DISP1: variants seen among roughly 807,000 people sequenced by gnomAD.
The protein encoded by DISP1 is protein dispatched homolog 1.
DISP1 carries 30 observed loss-of-function variants against 37.3 expected under a neutral mutation model. That is an observed-to-expected ratio of 0.80 (90% CI 0.60 to 1.09). The LOEUF (loss-of-function observed/expected upper bound fraction) is 1.09, where lower values mean the gene tolerates loss of function less well. Among genes scored for constraint, DISP1 ranks in the 50% least tolerant of loss-of-function variants. DISP1 has a pLI of 0.00. For synonymous variants in DISP1, 634 were observed against 690.2 expected, an observed-to-expected ratio of 0.92 and a Z score of 1.28; for missense variants, 1,598 against 1,879.5, an observed-to-expected ratio of 0.85 and a Z score of 2.77.
At chr1:222,861,838 T>C (rs1215220158) in intron 1 of DISP1, among the ~76,000 whole-genome samples, 1 of 152,214 alleles carries the variant, frequency 6.6e-6, no homozygotes, top group Non-Finnish European at 1.5e-5. Context: ...AGCAAAAACA[T>C]GTTTCTCAGA....
At chr1:222,958,561 G>T (rs750962900) in intron 3 of DISP1, among the ~76,000 whole-genome samples, 2 of 152,156 alleles carry the variant, frequency 1.3e-5, no homozygotes, top group African/African-American at 4.8e-5. Flanking sequence ...ATAATCATCA[G>T]TGTCTAGATA....
At chr1:222,914,213 A>G (rs574773688) in intron 1 of DISP1, among the ~76,000 whole-genome samples, 3 of 152,100 alleles carry the variant, frequency 2.0e-5, no homozygotes, top group Non-Finnish European at 4.4e-5. Flanking sequence ...ACTCAGTTGG[A>G]CTTTTCAAAT....
intron 1 of DISP1, among the ~76,000 whole-genome samples, chr1:222,841,364 A>G (rs919736215): frequency 6.6e-6 from 1 of 152,168 alleles, no homozygotes; most frequent in Admixed American, 6.5e-5. Context: ...TTTAATCCTC[A>G]TTAATAACCC....
Position 223,002,706 on chromosome 1 carries a change from A to T in DISP1, c.1309A>T (p.Met437Leu). The T allele has an allele frequency of 1.2e-6, 2 of 1,614,162 alleles. No individual in the cohort carries two copies. The highest frequency in any genetic ancestry group is 2.2e-5 in the South Asian group (2 of 91,080). Residue 437 changes from methionine (M) to leucine (L), a missense_variant, in exon 9 of 9, where the codon ATG (methionine) becomes TTG (leucine). Physicochemically the swap from Met to Leu is conservative, Grantham distance 15 (BLOSUM62 2). Transcript: ENST00000675850. ...CCATTACTTGGTGGACAAAGACTTT[A>T]TGACCCCAAAGACGGCTGACTATGC... ...ILHYLVDKDF[M>L]TPKTADYATP...
chr1:222,971,410 G>GT (rs66907723), intron 3 of DISP1, among the ~76,000 whole-genome samples: 69,831 of 147,460 alleles, frequency 0.47, 18,088 homozygotes, highest in Non-Finnish European at 0.59. Flanking sequence ...CACCCCCCAA[G>GT]TTTTTTTTTT....
chr1:222,973,251 G>T (rs1043810438), intron 3 of DISP1, among the ~76,000 whole-genome samples: 1 of 152,098 alleles, frequency 6.6e-6, no homozygotes, highest in Admixed American at 6.6e-5. Context: ...ACTAATTTAT[G>T]AACATATGCT....
intron 1 of DISP1, among the ~76,000 whole-genome samples, chr1:222,862,012 T>G (rs17163530): frequency 0.066 from 10,013 of 152,232 alleles, 515 homozygotes; most frequent in East Asian, 0.27. Flanking sequence ...TTGCGACCTG[T>G]TTTTCTGAAA....
In DISP1 at chr1:223,004,855, C is replaced by T. The variant is rs1177901257; in HGVS notation, c.3458C>T (p.Ala1153Val). ...IPLPKKLQCS[A>V]FSHALSTSPS... ...TTACCTAAAAAACTACAGTGCAGTGCCTTTTCCCATGCCTTGTCTACAAGT... is the reference window on the plus strand; with the variant it reads ...TTACCTAAAAAACTACAGTGCAGTGTCTTTTCCCATGCCTTGTCTACAAGT... The change falls in exon 9 of 9, where the codon GCC (alanine) becomes GTC (valine). Residue 1153 changes from alanine to valine, a missense_variant. Coordinates refer to ENST00000675850, the MANE Select transcript of DISP1 (RefSeq NM_001377229.1). This position sits in a 1 kb window ranked among gnomAD's most constrained non-coding sequence, Gnocchi z 4.9. The T allele has an allele frequency of 6.2e-7, 1 of 1,609,348 alleles. No individual in the cohort carries two copies. The highest frequency in any genetic ancestry group is 1.7e-5 in the Admixed American group (1 of 60,012).
intron 1 of DISP1, among the ~76,000 whole-genome samples, chr1:222,819,685 C>T (rs373663298): frequency 1.3e-5 from 2 of 151,804 alleles, no homozygotes; most frequent in Non-Finnish European, 2.9e-5. Flanking sequence ...AGATTACAGG[C>T]ACCCGCCACC....
intron 1 of DISP1, among the ~76,000 whole-genome samples, chr1:222,908,408 T>A (rs1489048200): frequency 6.6e-6 from 1 of 152,002 alleles, no homozygotes. Context: ...TCAAAGGCAG[T>A]TGGATGATTT....
chr1:222,908,855 T>G (rs1220398305), intron 1 of DISP1, among the ~76,000 whole-genome samples: 1 of 152,050 alleles, frequency 6.6e-6, no homozygotes, highest in Non-Finnish European at 1.5e-5. Flanking sequence ...ATTTTTAGTC[T>G]TTGACTCTTT....
chr1:222,825,086 C>G (rs1663986497), intron 1 of DISP1, among the ~76,000 whole-genome samples: 1 of 146,868 alleles, frequency 6.8e-6, no homozygotes, highest in Non-Finnish European at 1.5e-5. Context: ...TCAGGTGATG[C>G]TGAGGGTGGT....
rs150999579 is a variant in DISP1, at chr1:222,906,417, A to G, written c.-158-22013A>G. Reference sequence around the variant, plus strand: ...ACTCCATCTTAAATAGGGGCTGGGTAAAAAAAACGCTGCCATCTGCTGGGC... The same window carrying G: ...ACTCCATCTTAAATAGGGGCTGGGTGAAAAAAACGCTGCCATCTGCTGGGC... On this transcript the variant is annotated intron_variant, in intron 1 of 8. Transcript: ENST00000675850. 1.1e-4 allele frequency among the ~76,000 whole-genome samples: 17 copies of G among 152,092 alleles called. No individual in the cohort carries two copies. The East Asian group carries it at 3.1e-3, about 28-fold the overall frequency.
At chr1:222,925,139 G>A (rs1325193749) in intron 1 of DISP1, among the ~76,000 whole-genome samples, 1 of 151,950 alleles carries the variant, frequency 6.6e-6, no homozygotes, top group East Asian at 1.9e-4. Context: ...TACCAAAAAT[G>A]TACTTTAACT....
chr1:222,943,366 A>T, intron 3 of DISP1, 34 bp downstream of exon 3: 1 of 1,613,884 alleles, frequency 6.2e-7, no homozygotes, highest in Non-Finnish European at 8.5e-7. Flanking sequence ...TTTAGCATTC[A>T]ACTAATGCCA....
At chr1:222,940,133 AAAAG>A (rs1040942700) in intron 2 of DISP1, among the ~76,000 whole-genome samples, 1 of 120,332 alleles carries the variant, frequency 8.3e-6, no homozygotes, top group African/African-American at 2.6e-5. Context: ...CTCAAAAAAA[AAAAG>A]AAAAGAAAAA....
At chr1:222,873,883 A>T (rs1572395648) in intron 1 of DISP1, among the ~76,000 whole-genome samples, 1 of 151,882 alleles carries the variant, frequency 6.6e-6, no homozygotes, top group African/African-American at 2.4e-5. Flanking sequence ...GGTCTTTACA[A>T]TTTGGCATGT....
intron 3 of DISP1, chr1:222,943,593 T>G: frequency 3.7e-6 from 2 of 538,258 alleles, no homozygotes; most frequent in South Asian, 4.5e-5. Flanking sequence ...CTGCTAGACC[T>G]TGAGTTATAA....
At chr1:222,817,211 A>G (rs1463216497) in intron 1 of DISP1, among the ~76,000 whole-genome samples, 1 of 152,260 alleles carries the variant, frequency 6.6e-6, no homozygotes, top group Admixed American at 6.5e-5. Flanking sequence ...TGTATTTTAC[A>G]GTTTAACCAA....
Sources: allele counts gnomAD v4.1 joint callset (sites outside exome capture counted in the v4.1 genomes callset), GRCh38; gene constraint gnomAD v4.1.1; non-coding constraint Gnocchi (gnomAD v3.1); transcripts MANE v1.5; gene names NCBI Gene and HGNC (gene_info 2026-07-23, HGNC 2026-07-21).